GLIS3: variants seen among roughly 807,000 people sequenced by gnomAD.
GLIS3 encodes the protein zinc finger protein GLIS3.
GLIS3 carries 53 observed loss-of-function variants against 78.6 expected under a neutral mutation model. The observed-to-expected ratio is 0.67, with a 90% CI of 0.54 to 0.85. The LOEUF (loss-of-function observed/expected upper bound fraction) is 0.85. Ranked by LOEUF, GLIS3 falls within the 40% of genes least tolerant of loss-of-function variation. The pLI is 0.00. For missense variants in GLIS3, 1,703 were observed against 1,231.1 expected, an observed-to-expected ratio of 1.38 and a Z score of -5.74; for synonymous variants, 684 against 509.9, an observed-to-expected ratio of 1.34 and a Z score of -4.60.
At chr9:4,416,214 T>C in the GLIS3 span, among the ~76,000 whole-genome samples, 1 of 130,274 alleles carries the variant, frequency 7.7e-6, no homozygotes, top group Non-Finnish European at 1.5e-5. Flanking sequence ...ATTGAGCCAC[T>C]GTACTCTGGC....
chr9:4,273,825 G>A (rs1351943531), intron 2 of GLIS3, among the ~76,000 whole-genome samples: 1 of 151,954 alleles, frequency 6.6e-6, no homozygotes, highest in Non-Finnish European at 1.5e-5. Context: ...GTCTTTCTCA[G>A]CTTCTTGACT....
At chr9:4,109,372 T>C (rs1286297739) in intron 4 of GLIS3, among the ~76,000 whole-genome samples, 1 of 152,208 alleles carries the variant, frequency 6.6e-6, no homozygotes, top group Non-Finnish European at 1.5e-5. Context: ...CAAATAACTT[T>C]GGTCTCTAGT....
intron 9 of GLIS3, among the ~76,000 whole-genome samples, chr9:3,842,568 G>C (rs1818789967): frequency 6.6e-6 from 1 of 152,116 alleles, no homozygotes; most frequent in Non-Finnish European, 1.5e-5. Context: ...ATCTCCGACT[G>C]GGGAGCCACG....
At chr9:3,926,325 G>A (rs774375483) in intron 6 of GLIS3, among the ~76,000 whole-genome samples, 2 of 150,786 alleles carry the variant, frequency 1.3e-5, no homozygotes, top group Non-Finnish European at 1.5e-5. Flanking sequence ...CCACCTCCTG[G>A]GGTCATGCCA....
chr9:3,844,697 A>G (rs1003505947), intron 9 of GLIS3, among the ~76,000 whole-genome samples: 18 of 152,246 alleles, frequency 1.2e-4, no homozygotes, highest in Non-Finnish European at 2.6e-4. Flanking sequence ...CAAATGACAC[A>G]GCTTGACTGA....
chr9:4,285,516 A>G (rs1291536852), intron 2 of GLIS3: 1 of 152,188 alleles, frequency 6.6e-6, no homozygotes, highest in Non-Finnish European at 1.5e-5. Flanking sequence ...CTTTGCTCTT[A>G]ATTTTTCTTA....
chr9:4,306,404 G>T (rs957122381), intron 4 of GLIS3, among the ~76,000 whole-genome samples: 4 of 152,096 alleles, frequency 2.6e-5, no homozygotes, highest in Non-Finnish European at 4.4e-5. Context: ...CACAATGCCC[G>T]CTTTCAGACC....
At chr9:4,355,621 T>A in the GLIS3 span, among the ~76,000 whole-genome samples, 4 of 152,132 alleles carry the variant, frequency 2.6e-5, no homozygotes, top group African/African-American at 4.8e-5. Context: ...ACAAGCTTTA[T>A]CACCTTTGGA....
chr9:4,080,095 G>GC (rs1292330529), intron 4 of GLIS3, among the ~76,000 whole-genome samples: 4 of 152,212 alleles, frequency 2.6e-5, no homozygotes, highest in African/African-American at 4.8e-5. Context: ...CAAATTCAAT[G>GC]ACTAACTATA....
intron 2 of GLIS3, chr9:4,285,664 T>C: frequency 4.7e-6 from 1 of 213,918 alleles, no homozygotes; most frequent in Non-Finnish European, 9.5e-6. Context: ...TTCTTGTCCA[T>C]GGCCTGGAGA....
chr9:3,981,464 C>T (rs929574240), intron 4 of GLIS3, among the ~76,000 whole-genome samples: 2 of 152,114 alleles, frequency 1.3e-5, no homozygotes, highest in Non-Finnish European at 2.9e-5. Context: ...GGTCAGGCGG[C>T]AGCTCAGCCA....
At chr9:4,361,426 C>T in the GLIS3 span, among the ~76,000 whole-genome samples, 2,880 of 152,268 alleles carry the variant, frequency 0.019, 93 homozygotes, top group African/African-American at 0.065. Flanking sequence ...GATGCTGTTC[C>T]CTTTCCTGTG....
At chr9:4,081,492 C>T (rs927482766) in intron 4 of GLIS3, 1 of 152,206 alleles carries the variant, frequency 6.6e-6, no homozygotes, top group African/African-American at 2.4e-5. Context: ...ATTTTCTTTG[C>T]TCTTTATCTG....
chr9:4,089,096 T>A (rs1829282788), intron 4 of GLIS3, among the ~76,000 whole-genome samples: 1 of 152,288 alleles, frequency 6.6e-6, no homozygotes, highest in South Asian at 2.1e-4. Context: ...TTATTTTTTA[T>A]GAACTAGTCC....
At chr9:3,849,105 C>G (rs1478353855) in intron 9 of GLIS3, among the ~76,000 whole-genome samples, 1 of 152,196 alleles carries the variant, frequency 6.6e-6, no homozygotes, top group Non-Finnish European at 1.5e-5. Flanking sequence ...TGACAGAAAT[C>G]TCTGTGTTGG....
At chr9:4,237,398 C>T (rs374675561) in intron 2 of GLIS3, among the ~76,000 whole-genome samples, 1 of 151,960 alleles carries the variant, frequency 6.6e-6, no homozygotes, top group African/African-American at 2.4e-5. Flanking sequence ...AGAATTAAGT[C>T]TATAATATAA....
At chr9:4,233,434 T>A (rs1015685443) in intron 2 of GLIS3, among the ~76,000 whole-genome samples, 3 of 152,226 alleles carry the variant, frequency 2.0e-5, no homozygotes, top group Non-Finnish European at 2.9e-5. Flanking sequence ...TACATCTCCA[T>A]CAGAGCTCTT....
Position 3,944,420 on chromosome 9 carries a change from T to C in GLIS3, c.1711-7231A>G, listed in dbSNP as rs566593538. Among the ~76,000 whole-genome samples the C allele has an allele frequency of 2.0e-5, 3 of 152,338 alleles. No homozygotes were observed. The East Asian group carries it at 5.8e-4, about 29-fold the overall frequency. On this transcript the variant is annotated intron_variant, in intron 4 of 10. Coordinates refer to ENST00000381971, the MANE Select transcript of GLIS3 (RefSeq NM_001042413.2). ...TAAGACATATCACATGGCCCTTCTC[T>C]AGCTATTCTATACATACAAGGTATC...
the GLIS3 span, among the ~76,000 whole-genome samples, chr9:4,392,108 G>A: frequency 1.3e-5 from 2 of 152,120 alleles, no homozygotes; most frequent in Non-Finnish European, 1.5e-5. Context: ...GGACATGGAT[G>A]AACCTGAAAG....
Sources: gnomAD v4.1 joint callset for allele counts (sites outside exome capture counted in the v4.1 genomes callset) on GRCh38, gnomAD v4.1.1 for gene constraint, MANE v1.5 for transcripts, NCBI Gene and HGNC (gene_info 2026-07-23, HGNC 2026-07-21) for gene names.